The following KCNH4 variants were observed in gnomAD, a reference collection of about 807,000 sequenced individuals.
KCNH4 encodes the protein voltage-gated delayed rectifier potassium channel KCNH4.
In KCNH4, 33 loss-of-function variants were observed where a neutral mutation model predicts 90.7. The observed-to-expected ratio is 0.36, with a 90% CI of 0.28 to 0.49. The LOEUF (loss-of-function observed/expected upper bound fraction) is 0.49, where lower values mean the gene tolerates loss of function less well. Ranked by LOEUF, KCNH4 falls within the 20% of genes least tolerant of loss-of-function variation. The probability of loss-of-function intolerance (pLI) is 0.98; values close to 1 mark genes in which losing one functional copy is unlikely to be tolerated. For missense variants in KCNH4, 1,044 were observed against 1,387.1 expected, an observed-to-expected ratio of 0.75 and a Z score of 3.93; for synonymous variants, 551 against 581.7, an observed-to-expected ratio of 0.95 and a Z score of 0.76.
intron 8 of KCNH4, 116 bp from the exon 9 acceptor site, chr17:42,169,792 TG>T: frequency 1.9e-6 from 2 of 1,027,950 alleles, no homozygotes; most frequent in Admixed American, 2.0e-5. Context: ...GCCTACCAGG[TG>T]CCAGGCACTA....
intron 10 of KCNH4, 109 bp from the exon 11 acceptor site, chr17:42,165,802 G>A: frequency 1.5e-6 from 2 of 1,319,478 alleles, no homozygotes; most frequent in Non-Finnish European, 2.1e-6. Context: ...AAGGATGGTT[G>A]AAGGTGGGCC....
At position 42,178,497 on chromosome 17, in the gene KCNH4, G is replaced by T. The variant is rs1383009559; in HGVS notation, c.311-20C>A. The T allele has an allele frequency of 1.2e-6, 2 of 1,613,598 alleles. No individual in the cohort carries two copies. Among genetic ancestry groups the T allele is most frequent in the African/African-American group, 2.7e-5 (2 of 74,948 alleles). On this transcript the variant is annotated intron_variant, in intron 2 of 16. Transcript: ENST00000264661. ...CTGAGCCTGTAGGCATGGAGAGAGG[G>T]AAGGGAGGAGCATGGGCAGCCCCAT...
In KCNH4 at chr17:42,159,958, G is replaced by T; in HGVS notation, c.*82C>A. On this transcript the variant is annotated 3_prime_UTR_variant, in exon 16 of 17. Transcript: ENST00000264661. The stretch of plus-strand genomic sequence containing the variant: ...CCAGCTGGTGGCTGCTGACCCCAAG[G>T]CAGGAAGCCAAGGGGCCCAGGTCCT... 1 of 1,154,722 alleles carries T rather than the reference G, an allele frequency of 8.7e-7. No homozygotes were observed. Among genetic ancestry groups the T allele is most frequent in the Non-Finnish European group, 1.2e-6 (1 of 856,992 alleles). 71.5% of individuals were successfully genotyped at this position (1,154,722 alleles called of 1,614,324 possible). A position where few individuals can be genotyped will look rare whatever the true frequency, so the allele number is the denominator to read the frequency against.
At chr17:42,164,592 CAGG>C (rs2079773271) in intron 11 of KCNH4, among the ~76,000 whole-genome samples, 1 of 152,086 alleles carries the variant, frequency 6.6e-6, no homozygotes, top group Non-Finnish European at 1.5e-5. Flanking sequence ...CACCTGAGGT[CAGG>C]AGTTCGAGAC....
chr17:42,160,101 G>A lies in KCNH4; in HGVS notation c.2993C>T (p.Ser998Leu), dbSNP rs776517980. 3.2e-6 allele frequency: 5 copies of A among 1,578,902 alleles called. No individual in the cohort carries two copies. Among genetic ancestry groups the A allele is most frequent in the Admixed American group, 1.7e-5 (1 of 57,278 alleles). The stretch of plus-strand genomic sequence containing the variant: ...CCTCAAGAGGCTTGGGGTTGGGGGT[G>A]AGGCCTCTGGCACTGGAGAGGGTCC... The part of the protein sequence containing the change: ...PLGPSPVPEA[S>L]PPTPSLLRHS... The change falls in exon 16 of 17, where the codon TCA becomes TTA. Residue 998 changes from serine (S) to leucine (L), a missense_variant. By Grantham distance (145) the Ser-to-Leu change is moderately radical. Around this residue, in one of 4 missense-constraint regions of KCNH4, gnomAD observed 441 missense variants for 512.3 expected, o/e 0.86. Transcript: ENST00000264661.
intron 7 of KCNH4, among the ~76,000 whole-genome samples, chr17:42,171,564 T>C (rs1474536065): frequency 6.6e-6 from 1 of 152,068 alleles, no homozygotes. Context: ...CTATCACTGG[T>C]CTTGCTCCCC....
intron 4 of KCNH4, 37 bp from the exon 5 acceptor site, chr17:42,176,334 G>A: frequency 6.3e-7 from 1 of 1,583,796 alleles, no homozygotes; most frequent in Non-Finnish European, 8.6e-7. Flanking sequence ...GACACTTGAG[G>A]GAAAGAGGAG....
intron 1 of KCNH4, 46 bp from the exon 2 acceptor site, chr17:42,179,072 C>A: frequency 6.8e-7 from 1 of 1,469,478 alleles, no homozygotes; most frequent in Non-Finnish European, 9.5e-7. Flanking sequence ...GGGAGGCGAG[C>A]TAGCTTCCAG....
chr17:42,164,718 C>T (rs2079774066), intron 11 of KCNH4, among the ~76,000 whole-genome samples: 3 of 152,144 alleles, frequency 2.0e-5, no homozygotes, highest in Admixed American at 2.0e-4. Context: ...AGGAGAATCA[C>T]TTGAACCCGG....
In KCNH4 at chr17:42,163,113, C is replaced by A. The variant is rs1598268071; in HGVS notation, c.2584+115G>T. On this transcript the variant is annotated intron_variant, in intron 14 of 16. Transcript: ENST00000264661. This position sits in a 1 kb window ranked among gnomAD's most constrained non-coding sequence, Gnocchi z 5.4. ...AGAGCGTGGGCCAGGTCTGTTTTAT[C>A]TGTGTATTCCCAGGATGGCACCTGG... 10 of 749,308 alleles carry A rather than the reference C, an allele frequency of 1.3e-5. No homozygotes were observed. In the East Asian group the frequency reaches 2.5e-4, roughly 18 times the overall value. 46.4% of individuals were successfully genotyped at this position (749,308 alleles called of 1,614,324 possible).
At chr17:42,166,115 G>A (rs1045089220) in intron 10 of KCNH4, among the ~76,000 whole-genome samples, 182 bp downstream of exon 10, 41 of 152,192 alleles carry the variant, frequency 2.7e-4, no homozygotes, top group African/African-American at 9.4e-4. Flanking sequence ...AAGGGGATTA[G>A]GGGGAATTGT....
Position 42,170,293 on chromosome 17 carries a change from G to T in KCNH4, c.1204C>A (p.His402Asn). The T allele has an allele frequency of 6.3e-7, 1 of 1,593,290 alleles. No homozygotes were observed. The change falls in exon 8 of 17, where the codon CAT becomes AAT. Residue 402 changes from histidine (H) to asparagine (N), a missense_variant. Physicochemically the swap from His to Asn is moderately conservative, Grantham distance 68 (BLOSUM62 1). Coordinates refer to ENST00000264661, the MANE Select transcript of KCNH4 (RefSeq NM_012285.3). Reference protein sequence around the residue: ...DPLLWDIGWLHELGKRLEVPY... With the variant: ...DPLLWDIGWLNELGKRLEVPY... Reference sequence around the variant, plus strand: ...ACCTCCAGACGCTTGCCCAACTCATGCAACCAGCCTGCAGGGTGGACGGAT... The same window carrying T: ...ACCTCCAGACGCTTGCCCAACTCATTCAACCAGCCTGCAGGGTGGACGGAT...
chr17:42,169,798 G>T (rs776762913), intron 8 of KCNH4, 122 bp from the exon 9 acceptor site: 108 of 974,286 alleles, frequency 1.1e-4, no homozygotes, highest in Non-Finnish European at 1.6e-4. Flanking sequence ...CAGGTGCCAG[G>T]CACTAGACTA....
chr17:42,180,819 G>A lies in KCNH4; in HGVS notation c.76+51C>T. On this transcript the variant is annotated intron_variant, in intron 1 of 16. Transcript: ENST00000264661. The surrounding 1 kb of genome is among the most constrained non-coding windows in gnomAD (Gnocchi z 4.7). ...CCAGGAGATCCGAGACGGCCCCGAG[G>A]ATACTTGCCCCCCAGCTCGAACCTC... 6.4e-7 allele frequency: 1 copy of A among 1,564,748 alleles called. No individual in the cohort carries two copies.
intron 9 of KCNH4, among the ~76,000 whole-genome samples, chr17:42,167,223 CT>C (rs1191609006): frequency 1.3e-5 from 2 of 152,152 alleles, no homozygotes; most frequent in Non-Finnish European, 2.9e-5. Context: ...GGCTTCCCTA[CT>C]ACCTGAGTGC....
chr17:42,169,633 G>T lies in KCNH4; in HGVS notation c.1434C>A (p.Ile478=). The T allele has an allele frequency of 6.2e-7, 1 of 1,614,020 alleles. No homozygotes were observed. Among genetic ancestry groups the T allele is most frequent in the South Asian group, 1.1e-5 (1 of 91,088 alleles). ...GCGAGCGGCGCGAGTACATGCGCTG[G>T]ATGATGGCTGTCACGTTCCCGAACA... The part of the protein sequence containing the change: ...AVVFGNVTAI[I]QRMYSRRSLY... The change falls in exon 9 of 17, where the codon ATC becomes ATA. Residue 478 remains isoleucine (I), a synonymous_variant. Coordinates refer to ENST00000264661, the MANE Select transcript of KCNH4 (RefSeq NM_012285.3).
intron 4 of KCNH4, among the ~76,000 whole-genome samples, chr17:42,177,628 A>C (rs1400995604): frequency 6.6e-6 from 1 of 152,220 alleles, no homozygotes; most frequent in African/African-American, 2.4e-5. Flanking sequence ...ATATCCCAGC[A>C]GGGAGCAGAG....
chr17:42,171,607 C>A (rs960094088), intron 7 of KCNH4, among the ~76,000 whole-genome samples, 181 bp downstream of exon 7: 4 of 152,078 alleles, frequency 2.6e-5, no homozygotes. Context: ...AACCTGCCCC[C>A]AAAACAGAGC....
intron 4 of KCNH4, among the ~76,000 whole-genome samples, chr17:42,177,615 G>C (rs563648618): frequency 1.3e-5 from 2 of 152,280 alleles, no homozygotes; most frequent in East Asian, 3.9e-4. Flanking sequence ...GTGGGGGCTG[G>C]GTATATCCCA....
Sources: allele counts gnomAD v4.1 joint callset (sites outside exome capture counted in the v4.1 genomes callset), GRCh38; gene constraint gnomAD v4.1.1; regional missense constraint gnomAD v4.1.1; non-coding constraint Gnocchi (gnomAD v3.1); transcripts MANE v1.5; gene names NCBI Gene and HGNC (gene_info 2026-07-23, HGNC 2026-07-21).